Variants in MAD1L1 observed in about 807,000 individuals in gnomAD.
MAD1L1 encodes the protein mitotic spindle assembly checkpoint protein MAD1.
In MAD1L1, 95 loss-of-function variants were observed where a neutral mutation model predicts 96.9. The observed-to-expected ratio is 0.98, with a 90% CI of 0.83 to 1.16. The LOEUF (loss-of-function observed/expected upper bound fraction) is 1.16, where lower values mean the gene tolerates loss of function less well. MAD1L1 is among the 50% of genes most tolerant of loss of function. The pLI, the probability that MAD1L1 is intolerant of heterozygous loss-of-function variation, is 0.00. For synonymous variants in MAD1L1, 473 were observed against 396.6 expected (o/e 1.19, Z -2.29); for missense variants, 1,007 against 954.4 (o/e 1.06, Z -0.73).
intron 12 of MAD1L1, among the ~76,000 whole-genome samples, chr7:2,016,601 G>A (rs1484854049): frequency 6.6e-6 from 1 of 152,232 alleles, no homozygotes; most frequent in Non-Finnish European, 1.5e-5. Context: ...GGCGAGGAGG[G>A]CGAGGCTGCA....
chr7:2,055,825 A>G (rs926932536), intron 12 of MAD1L1, among the ~76,000 whole-genome samples: 1 of 151,922 alleles, frequency 6.6e-6, no homozygotes, highest in Non-Finnish European at 1.5e-5. Flanking sequence ...CTACAAATAC[A>G]TAAATTAGCT....
At chr7:2,020,209 T>C (rs1435331647) in intron 12 of MAD1L1, among the ~76,000 whole-genome samples, 4 of 152,082 alleles carry the variant, frequency 2.6e-5, no homozygotes, top group Non-Finnish European at 2.9e-5. Context: ...GGCAGTGCCA[T>C]GGACAGCCTC....
intron 11 of MAD1L1, among the ~76,000 whole-genome samples, chr7:2,079,304 T>C (rs1785523885): frequency 6.6e-6 from 1 of 152,168 alleles, no homozygotes; most frequent in African/African-American, 2.4e-5. Context: ...CTGTTGTTAT[T>C]TACTCTATCT....
At chr7:2,122,708 C>A (rs1195763773) in intron 11 of MAD1L1, among the ~76,000 whole-genome samples, 1 of 152,214 alleles carries the variant, frequency 6.6e-6, no homozygotes, top group Non-Finnish European at 1.5e-5. Context: ...CAGCCTTGGT[C>A]CAAGCAGCTG....
chr7:2,228,087 G>T (rs1015511419), intron 3 of MAD1L1, among the ~76,000 whole-genome samples: 3 of 152,064 alleles, frequency 2.0e-5, no homozygotes, highest in Non-Finnish European at 4.4e-5. Flanking sequence ...ACCAAGGCTG[G>T]TCTTGCCGCC....
intron 18 of MAD1L1, among the ~76,000 whole-genome samples, chr7:1,828,730 C>T (rs1038889407): frequency 4.6e-5 from 7 of 152,164 alleles, no homozygotes; most frequent in African/African-American, 1.7e-4. Flanking sequence ...CAGGCACACG[C>T]ACACATGCAC....
chr7:2,208,437 G>A lies in MAD1L1; in HGVS notation c.986+4775C>T, dbSNP rs372983408. 1.1e-4 allele frequency among the ~76,000 whole-genome samples: 16 copies of A among 152,148 alleles called. No individual in the cohort carries two copies. In the East Asian group the frequency reaches 2.1e-3, roughly 20 times the overall value. On this transcript the variant is annotated intron_variant, in intron 10 of 18. Transcript: ENST00000265854. Reference sequence around the variant, plus strand: ...TATACTGGTGAAGATCTCCAGTACAGTGCAACCAGGGGTGCAGGGAACAGA... The same window carrying A: ...TATACTGGTGAAGATCTCCAGTACAATGCAACCAGGGGTGCAGGGAACAGA...
intron 11 of MAD1L1, among the ~76,000 whole-genome samples, chr7:2,111,098 C>G (rs1787354191): frequency 6.6e-6 from 1 of 152,202 alleles, no homozygotes; most frequent in South Asian, 2.1e-4. Context: ...CGGCCAAGTC[C>G]TCCGACGAAA....
chr7:2,141,149 G>C (rs999256519), intron 11 of MAD1L1, among the ~76,000 whole-genome samples: 3 of 152,248 alleles, frequency 2.0e-5, no homozygotes, highest in Admixed American at 1.3e-4. Flanking sequence ...CGCCTTGCGG[G>C]CTCTGCCTGG....
intron 17 of MAD1L1, among the ~76,000 whole-genome samples, chr7:1,902,726 G>C (rs952728633): frequency 6.6e-6 from 1 of 152,268 alleles, no homozygotes; most frequent in Admixed American, 6.5e-5. Flanking sequence ...GTGGGAAGGA[G>C]GACCCAGCAG....
intron 16 of MAD1L1, among the ~76,000 whole-genome samples, chr7:1,950,577 T>C (rs543439815): frequency 2.2e-3 from 335 of 152,322 alleles, no homozygotes; most frequent in Middle Eastern, 6.8e-3. Context: ...CAACAGTGAC[T>C]TGGGCTGAGG....
intron 12 of MAD1L1, among the ~76,000 whole-genome samples, chr7:2,025,866 A>T (rs1334480771): frequency 6.6e-6 from 1 of 152,218 alleles, no homozygotes; most frequent in Non-Finnish European, 1.5e-5. Context: ...AAAATTACAT[A>T]AAAGCACACA....
chr7:1,882,390 CTG>C, intron 18 of MAD1L1, among the ~76,000 whole-genome samples: 1 of 152,240 alleles, frequency 6.6e-6, no homozygotes, highest in Non-Finnish European at 1.5e-5. Flanking sequence ...TCAAATTAAG[CTG>C]TCTGTGTAGA....
At chr7:1,961,509 G>A (rs529250393) in intron 15 of MAD1L1, among the ~76,000 whole-genome samples, 2 of 152,284 alleles carry the variant, frequency 1.3e-5, no homozygotes, top group East Asian at 3.9e-4. Context: ...AATGGTTCTG[G>A]AACAACTGGG....
chr7:2,046,743 A>T (rs1461091807), intron 12 of MAD1L1, among the ~76,000 whole-genome samples: 2 of 152,170 alleles, frequency 1.3e-5, no homozygotes, highest in African/African-American at 4.8e-5. Context: ...CAAGGGTGGG[A>T]AAAGAGGTGA....
intron 5 of MAD1L1, chr7:2,220,960 G>C (rs371995225): frequency 1.9e-6 from 3 of 1,609,318 alleles, no homozygotes; most frequent in South Asian, 1.1e-5. Flanking sequence ...GGGGACGCCG[G>C]ACAGTTGGCA....
chr7:2,136,100 C>T (rs144714418), intron 11 of MAD1L1, among the ~76,000 whole-genome samples: 114 of 152,280 alleles, frequency 7.5e-4, no homozygotes, highest in African/African-American at 2.5e-3. Flanking sequence ...ACTTGCCCCA[C>T]GCTGACCAAA....
intron 11 of MAD1L1, among the ~76,000 whole-genome samples, chr7:2,101,735 AC>A (rs1303746478): frequency 6.6e-6 from 1 of 152,208 alleles, no homozygotes; most frequent in African/African-American, 2.4e-5. Flanking sequence ...GCTGCCACCC[AC>A]CAGACTACCG....
At chr7:1,931,836 T>G (rs551778620) in intron 17 of MAD1L1, among the ~76,000 whole-genome samples, 10 of 152,362 alleles carry the variant, frequency 6.6e-5, no homozygotes, top group African/African-American at 2.2e-4. Context: ...ATGGTCGTCC[T>G]GCTTCCCACG....
Sources: gnomAD v4.1 joint callset for allele counts (sites outside exome capture counted in the v4.1 genomes callset) on GRCh38, gnomAD v4.1.1 for gene constraint, MANE v1.5 for transcripts, NCBI Gene and HGNC (gene_info 2026-07-23, HGNC 2026-07-21) for gene names.